The following DRC11 variants were observed in gnomAD, a reference collection of about 807,000 sequenced individuals.
DRC11 encodes dynein regulatory complex subunit 11, also known as IQ and AAA domain-containing protein 1.
chr2:236,499,270 C>G, the DRC11 span, among the ~76,000 whole-genome samples: 1 of 152,126 alleles, frequency 6.6e-6, no homozygotes, highest in Non-Finnish European at 1.5e-5. This position sits in a 1 kb window ranked among gnomAD's most constrained non-coding sequence, Gnocchi z 4.7. Context: ...TGCAAGCAGT[C>G]CTCCAATTTC....
At chr2:236,431,963 C>T in the DRC11 span, among the ~76,000 whole-genome samples, 22 of 152,244 alleles carry the variant, frequency 1.4e-4, no homozygotes, top group South Asian at 4.6e-3. This position sits in a 1 kb window ranked among gnomAD's most constrained non-coding sequence, Gnocchi z 4.2. Context: ...AGAAGAATTG[C>T]TAGGTCCTTT....
At chr2:236,381,831 T>C in the DRC11 span, among the ~76,000 whole-genome samples, 1 of 152,342 alleles carries the variant, frequency 6.6e-6, no homozygotes, top group South Asian at 2.1e-4. The surrounding 1 kb of genome is among the most constrained non-coding windows in gnomAD (Gnocchi z 5.8). Context: ...GTTCTTTATA[T>C]GTTTATTGTT....
the DRC11 span, chr2:236,399,562 G>T: frequency 8.1e-7 from 1 of 1,232,236 alleles, no homozygotes; most frequent in Non-Finnish European, 1.2e-6. The surrounding 1 kb of genome is among the most constrained non-coding windows in gnomAD (Gnocchi z 7.0). Context: ...TGTGATAACC[G>T]TGACGAGGGT....
the DRC11 span, chr2:236,408,603 C>T: frequency 1.4e-6 from 1 of 726,578 alleles, no homozygotes; most frequent in South Asian, 1.4e-5. This position sits in a 1 kb window ranked among gnomAD's most constrained non-coding sequence, Gnocchi z 5.5. Context: ...GATGACTTGG[C>T]AGTGCTTCTT....
chr2:236,420,680 C>T, the DRC11 span, among the ~76,000 whole-genome samples: 1 of 152,102 alleles, frequency 6.6e-6, no homozygotes, highest in East Asian at 1.9e-4. The surrounding 1 kb of genome is among the most constrained non-coding windows in gnomAD (Gnocchi z 4.8). Context: ...CATGGTGGTG[C>T]ACACCTGTAT....
the DRC11 span, chr2:236,380,509 C>T: frequency 7.4e-7 from 1 of 1,355,562 alleles, no homozygotes; most frequent in South Asian, 1.2e-5. The surrounding 1 kb of genome is among the most constrained non-coding windows in gnomAD (Gnocchi z 4.9). Flanking sequence ...ACTCGGGGTT[C>T]CCTGTGCTGT....
At chr2:236,366,879 G>A in the DRC11 span, among the ~76,000 whole-genome samples, 1 of 148,796 alleles carries the variant, frequency 6.7e-6, no homozygotes, top group African/African-American at 2.5e-5. Flanking sequence ...TGTCGCCCAG[G>A]CTGGAGTGCA....
chr2:236,442,632 G>A, the DRC11 span, among the ~76,000 whole-genome samples: 2 of 152,024 alleles, frequency 1.3e-5, no homozygotes, highest in African/African-American at 4.8e-5. Context: ...CTCAGGTCTC[G>A]GTCACTGGAA....
chr2:236,502,172 A>G, the DRC11 span, among the ~76,000 whole-genome samples: 2 of 152,228 alleles, frequency 1.3e-5, no homozygotes, highest in Non-Finnish European at 2.9e-5. Flanking sequence ...AATTAGCAGT[A>G]AAAAAGGACA....
the DRC11 span, among the ~76,000 whole-genome samples, chr2:236,357,373 T>G: frequency 9.3e-6 from 1 of 107,904 alleles, no homozygotes; most frequent in Non-Finnish European, 1.7e-5. Flanking sequence ...TATAAATATA[T>G]TTATATAGTA....
the DRC11 span, among the ~76,000 whole-genome samples, chr2:236,494,255 A>T: frequency 6.6e-6 from 1 of 152,212 alleles, no homozygotes; most frequent in Non-Finnish European, 1.5e-5. This position sits in a 1 kb window ranked among gnomAD's most constrained non-coding sequence, Gnocchi z 4.2. Flanking sequence ...AGCTGTAGAG[A>T]TCTTTGAATT....
At chr2:236,318,040 G>A in the DRC11 span, among the ~76,000 whole-genome samples, 1 of 152,228 alleles carries the variant, frequency 6.6e-6, no homozygotes, top group Non-Finnish European at 1.5e-5. The surrounding 1 kb of genome is among the most constrained non-coding windows in gnomAD (Gnocchi z 7.0). Context: ...GTCCTGGAAA[G>A]TTCATTAGCT....
chr2:236,404,953 G>C, the DRC11 span, among the ~76,000 whole-genome samples: 3 of 152,112 alleles, frequency 2.0e-5, no homozygotes, highest in Admixed American at 6.5e-5. Flanking sequence ...TTCACTCCGC[G>C]GAAGGGGCAA....
At chr2:236,401,193 C>T in the DRC11 span, among the ~76,000 whole-genome samples, 29 of 152,144 alleles carry the variant, frequency 1.9e-4, no homozygotes, top group African/African-American at 6.0e-4. This position sits in a 1 kb window ranked among gnomAD's most constrained non-coding sequence, Gnocchi z 4.6. Context: ...TTGCCCTTGC[C>T]GCCTCCTGCC....
chr2:236,476,043 G>A, the DRC11 span, among the ~76,000 whole-genome samples: 1 of 152,132 alleles, frequency 6.6e-6, no homozygotes, highest in South Asian at 2.1e-4. The surrounding 1 kb of genome is among the most constrained non-coding windows in gnomAD (Gnocchi z 4.7). Context: ...GCTCAGGATT[G>A]TTTGGGCTAT....
chr2:236,447,258 A>T, the DRC11 span, among the ~76,000 whole-genome samples: 1 of 151,634 alleles, frequency 6.6e-6, no homozygotes, highest in Admixed American at 6.6e-5. The surrounding 1 kb of genome is among the most constrained non-coding windows in gnomAD (Gnocchi z 4.6). Flanking sequence ...TTGGAAACAG[A>T]ATCACTGCAG....
At chr2:236,321,851 G>A in the DRC11 span, among the ~76,000 whole-genome samples, 1 of 152,090 alleles carries the variant, frequency 6.6e-6, no homozygotes, top group Admixed American at 6.5e-5. Flanking sequence ...CACAGAGGGT[G>A]GGGGGGAAGT....
chr2:236,315,655 A>G, the DRC11 span, among the ~76,000 whole-genome samples: 1 of 152,226 alleles, frequency 6.6e-6, no homozygotes, highest in African/African-American at 2.4e-5. The surrounding 1 kb of genome is among the most constrained non-coding windows in gnomAD (Gnocchi z 5.1). Flanking sequence ...CATATGCACA[A>G]TGGAATACCA....
chr2:236,371,409 G>A, the DRC11 span, among the ~76,000 whole-genome samples: 1 of 152,120 alleles, frequency 6.6e-6, no homozygotes, highest in Non-Finnish European at 1.5e-5. This position sits in a 1 kb window ranked among gnomAD's most constrained non-coding sequence, Gnocchi z 5.1. Flanking sequence ...ACAAGATGAC[G>A]AGGCATGACT....
Sources: allele counts gnomAD v4.1 joint callset (sites outside exome capture counted in the v4.1 genomes callset), GRCh38; gene constraint gnomAD v4.1.1; non-coding constraint Gnocchi (gnomAD v3.1); transcripts MANE v1.5; gene names NCBI Gene and HGNC (gene_info 2026-07-23, HGNC 2026-07-21).